The following LIPA variants were observed in gnomAD, a reference collection of about 807,000 sequenced individuals.
LIPA encodes lipase A, lysosomal acid type.
In LIPA, 26 loss-of-function variants were observed where a neutral mutation model predicts 40.6. The observed-to-expected ratio is 0.64, with a 90% CI of 0.47 to 0.89. The LOEUF is 0.89. LIPA is among the 40% of genes least tolerant of loss of function. The probability of loss-of-function intolerance (pLI) is 0.00; values close to 1 mark genes in which losing one functional copy is unlikely to be tolerated. For synonymous variants in LIPA, 188 were observed against 168.4 expected (o/e 1.12, Z -0.90); for missense variants, 455 against 479.6 (o/e 0.95, Z 0.48).
chr10:89,308,964 A>G (rs1326007138), intron 1 of LIPA: 1 of 152,236 alleles, frequency 6.6e-6, no homozygotes, highest in African/African-American at 2.4e-5. Context: ...TGTACTTTAA[A>G]TCTTTCAGAC....
chr10:89,351,760 T>C (rs1259087695), intron 2 of LIPA, among the ~76,000 whole-genome samples: 2 of 152,200 alleles, frequency 1.3e-5, no homozygotes, highest in East Asian at 3.8e-4. Context: ...TTTTATTTTG[T>C]CAGGCTTAGA....
intron 2 of LIPA, chr10:89,393,413 T>C (rs1844287588): frequency 2.7e-6 from 2 of 738,214 alleles, no homozygotes; most frequent in Non-Finnish European, 3.8e-6. Flanking sequence ...AAGGGCCTAA[T>C]GTGGGAATTT....
chr10:89,244,153 A>T (rs956070618), intron 3 of LIPA, among the ~76,000 whole-genome samples: 2 of 152,144 alleles, frequency 1.3e-5, no homozygotes, highest in Non-Finnish European at 2.9e-5. Context: ...AAGCATAAAA[A>T]TCTCAAGAGT....
chr10:89,331,291 C>T (rs1843647145), intron 1 of LIPA, among the ~76,000 whole-genome samples: 1 of 152,098 alleles, frequency 6.6e-6, no homozygotes, highest in African/African-American at 2.4e-5. Flanking sequence ...TCCCACCCAG[C>T]CTCCCAAGTA....
intron 2 of LIPA, among the ~76,000 whole-genome samples, chr10:89,247,022 G>T (rs1177104194): frequency 6.6e-6 from 1 of 151,990 alleles, no homozygotes; most frequent in Non-Finnish European, 1.5e-5. Context: ...TTAAACTGAG[G>T]TTTGTTGGCT....
At chr10:89,344,584 G>A (rs185562085), upstream of LIPA, among the ~76,000 whole-genome samples, 159 of 150,976 alleles carry the variant, frequency 1.1e-3, 1 homozygote, top group African/African-American at 3.8e-3. Flanking sequence ...ATTGTTTTGG[G>A]CTGAAATTCT....
chr10:89,412,128 C>T lies in LIPA; in HGVS notation c.61+663G>A, dbSNP rs535095388. 3.9e-4 allele frequency among the ~76,000 whole-genome samples: 59 copies of T among 152,254 alleles called. 1 individual carries two copies. The highest frequency in any genetic ancestry group is 6.5e-4 in the Admixed American group (10 of 15,302). On this transcript the variant is annotated intron_variant, in intron 2 of 8. Coordinates refer to the LIPA transcript ENST00000371837. ...CACTACACCTACAGGGCCCCTTCTT[C>T]GCCCCTATCCAGCAGAAAGTAGCTA... is the stretch of plus-strand genomic sequence containing the variant.
At chr10:89,387,785 G>A (rs1466140747) in intron 2 of LIPA, among the ~76,000 whole-genome samples, 1 of 152,212 alleles carries the variant, frequency 6.6e-6, no homozygotes, top group Non-Finnish European at 1.5e-5. Flanking sequence ...GGTGGATAGA[G>A]AAATGAGTGG....
intron 2 of LIPA, among the ~76,000 whole-genome samples, chr10:89,398,946 A>C (rs1844382968): frequency 6.6e-6 from 1 of 152,142 alleles, no homozygotes; most frequent in South Asian, 2.1e-4. Flanking sequence ...TTTCTGAGGA[A>C]TTACCATACC....
At chr10:89,306,280 C>A (rs756126164) in intron 1 of LIPA, 1 of 1,614,104 alleles carries the variant, frequency 6.2e-7, no homozygotes, top group Non-Finnish European at 8.5e-7. Context: ...ATCACATGGG[C>A]CGACTCTCAG....
chr10:89,339,609 G>A (rs754007105), intron 1 of LIPA: 11 of 1,614,162 alleles, frequency 6.8e-6, no homozygotes, highest in Non-Finnish European at 4.2e-6. Flanking sequence ...TGGACTATTC[G>A]AATAAAGCTC....
chr10:89,239,527 C>T (rs1842941849), intron 3 of LIPA, among the ~76,000 whole-genome samples: 2 of 152,244 alleles, frequency 1.3e-5, no homozygotes, highest in Non-Finnish European at 2.9e-5. Context: ...ACTCACACTT[C>T]ACTGTCACCC....
At chr10:89,328,357 G>C (rs1308294985) in intron 1 of LIPA, among the ~76,000 whole-genome samples, 1 of 152,290 alleles carries the variant, frequency 6.6e-6, no homozygotes, top group East Asian at 1.9e-4. Flanking sequence ...CCTGTGTGCA[G>C]CTATTTCCTG....
At chr10:89,349,438 T>G (rs186864860) in intron 2 of LIPA, among the ~76,000 whole-genome samples, 1 of 152,328 alleles carries the variant, frequency 6.6e-6, no homozygotes, top group Non-Finnish European at 1.5e-5. Flanking sequence ...TACCTTTTGT[T>G]CTGTTAATCT....
upstream of LIPA, among the ~76,000 whole-genome samples, chr10:89,346,319 A>G (rs1332336): frequency 0.069 from 10,501 of 152,208 alleles, 901 homozygotes; most frequent in African/African-American, 0.2. Context: ...CAGTGACAAC[A>G]TATAATCAAC....
At chr10:89,409,037 G>C (rs1226081214) in intron 2 of LIPA, among the ~76,000 whole-genome samples, 7 of 152,280 alleles carry the variant, frequency 4.6e-5, no homozygotes, top group African/African-American at 1.4e-4. Flanking sequence ...TAAGGGAAAG[G>C]AAGAAAATCC....
At chr10:89,369,696 T>C (rs1255377772) in intron 2 of LIPA, among the ~76,000 whole-genome samples, 1 of 152,236 alleles carries the variant, frequency 6.6e-6, no homozygotes, top group African/African-American at 2.4e-5. Context: ...ATTTGCGCCC[T>C]CTACTGCCTT....
upstream of LIPA, among the ~76,000 whole-genome samples, chr10:89,256,660 G>T (rs1843182840): frequency 2.0e-5 from 3 of 152,206 alleles, no homozygotes; most frequent in African/African-American, 7.2e-5. Flanking sequence ...TAAAATGGGT[G>T]TATGAAGGTA....
At chr10:89,359,470 T>A (rs779532934) in intron 2 of LIPA, among the ~76,000 whole-genome samples, 12 of 152,208 alleles carry the variant, frequency 7.9e-5, no homozygotes, top group Non-Finnish European at 1.5e-4. Flanking sequence ...GTGCTACACA[T>A]GGGGTTGACC....
Sources: allele counts gnomAD v4.1 joint callset (sites outside exome capture counted in the v4.1 genomes callset), GRCh38; gene constraint gnomAD v4.1.1; transcripts MANE v1.5; gene names NCBI Gene and HGNC (gene_info 2026-07-23, HGNC 2026-07-21).